RANBP2: variants seen among roughly 807,000 people sequenced by gnomAD.
RANBP2 encodes RAN binding protein 2, also known as E3 SUMO-protein ligase RanBP2.
A neutral mutation model predicts 303.6 loss-of-function variants in RANBP2; 57 were observed. The observed-to-expected ratio is 0.19, with a 90% CI of 0.15 to 0.23. The LOEUF (loss-of-function observed/expected upper bound fraction) is 0.23, where lower values mean the gene tolerates loss of function less well. Among genes scored for constraint, RANBP2 ranks in the 10% least tolerant of loss-of-function variants. The pLI is 1.00. For synonymous variants in RANBP2, 1,167 were observed against 1,301.5 expected, an observed-to-expected ratio of 0.90 and a Z score of 2.23; for missense variants, 3,138 against 3,780.8, an observed-to-expected ratio of 0.83 and a Z score of 4.46.
chr2:109,247,200 C>G, the RANBP2 span, among the ~76,000 whole-genome samples: 1 of 152,148 alleles, frequency 6.6e-6, no homozygotes, highest in South Asian at 2.1e-4. Context: ...TAAGGGAGAA[C>G]AGAATGAAGT....
chr2:109,567,374 T>C, the RANBP2 span, among the ~76,000 whole-genome samples: 3 of 152,212 alleles, frequency 2.0e-5, 1 homozygote, highest in South Asian at 6.2e-4. Context: ...CTAAAAGTTA[T>C]ATGAATGTAA....
the RANBP2 span, among the ~76,000 whole-genome samples, chr2:109,538,245 C>G: frequency 6.6e-6 from 1 of 152,174 alleles, no homozygotes; most frequent in African/African-American, 2.4e-5. Context: ...CTGCTCACAA[C>G]CAGAAAAGGC....
the RANBP2 span, among the ~76,000 whole-genome samples, chr2:109,087,982 C>T: frequency 3.9e-5 from 6 of 152,256 alleles, no homozygotes; most frequent in South Asian, 4.2e-4. Flanking sequence ...TTAGTTTCTT[C>T]GGCCGGGCGC....
the RANBP2 span, among the ~76,000 whole-genome samples, chr2:109,725,721 G>A: frequency 3.2e-3 from 494 of 152,190 alleles, no homozygotes; most frequent in Non-Finnish European, 5.6e-3. Context: ...CAAAACTGAG[G>A]TTGTATCTTT....
chr2:109,258,684 G>C, the RANBP2 span, among the ~76,000 whole-genome samples: 1 of 152,258 alleles, frequency 6.6e-6, no homozygotes, highest in Non-Finnish European at 1.5e-5. Context: ...CTGTGTGGCA[G>C]CCGTGTCTGA....
At chr2:109,063,720 A>G in the RANBP2 span, among the ~76,000 whole-genome samples, 1 of 151,842 alleles carries the variant, frequency 6.6e-6, no homozygotes, top group East Asian at 1.9e-4. Context: ...TTAAATGGAG[A>G]TGTAATTTCT....
the RANBP2 span, among the ~76,000 whole-genome samples, chr2:108,810,332 T>A: frequency 6.6e-6 from 1 of 152,236 alleles, no homozygotes; most frequent in African/African-American, 2.4e-5. Flanking sequence ...TACCTAATTT[T>A]TTGAGAGTTT....
At chr2:108,735,954 T>C in intron 5 of RANBP2, 150 bp from the exon 6 acceptor site, 1 of 1,547,348 alleles carries the variant, frequency 6.5e-7, no homozygotes, top group Non-Finnish European at 8.7e-7. Flanking sequence ...GATAAATGTA[T>C]ATATTTTTGG....
At chr2:109,495,442 C>T in the RANBP2 span, among the ~76,000 whole-genome samples, 2 of 150,488 alleles carry the variant, frequency 1.3e-5, no homozygotes, top group African/African-American at 4.9e-5. Context: ...CTCTGGGCCA[C>T]CTACCGGCCA....
At chr2:109,247,517 G>A in the RANBP2 span, among the ~76,000 whole-genome samples, 22 of 152,294 alleles carry the variant, frequency 1.4e-4, no homozygotes, top group East Asian at 3.9e-3. Flanking sequence ...AGGCAGGCAT[G>A]GGTGGTCACG....
chr2:109,284,109 A>G, the RANBP2 span, among the ~76,000 whole-genome samples: 2 of 152,070 alleles, frequency 1.3e-5, no homozygotes, highest in Non-Finnish European at 2.9e-5. Flanking sequence ...GTAATGAAAG[A>G]CCTTGAACGA....
chr2:109,421,639 CT>C, the RANBP2 span, among the ~76,000 whole-genome samples: 1 of 152,232 alleles, frequency 6.6e-6, no homozygotes, highest in Admixed American at 6.5e-5. Flanking sequence ...AGCTCTCCAC[CT>C]TCTCCCTCTG....
intron 7 of RANBP2, among the ~76,000 whole-genome samples, chr2:108,745,816 A>G (rs1696465834): frequency 6.6e-6 from 1 of 151,934 alleles, no homozygotes; most frequent in South Asian, 2.1e-4. Context: ...GTCGAAAAGT[A>G]ATGTAATTAA....
At chr2:109,094,832 A>G in the RANBP2 span, among the ~76,000 whole-genome samples, 2 of 152,148 alleles carry the variant, frequency 1.3e-5, no homozygotes, top group African/African-American at 4.8e-5. Context: ...CTCCATCTCA[A>G]ACAAACAAAC....
the RANBP2 span, among the ~76,000 whole-genome samples, chr2:109,559,951 C>T: frequency 6.8e-5 from 9 of 132,444 alleles, no homozygotes; most frequent in Non-Finnish European, 1.2e-4. Flanking sequence ...GATGGGGTCT[C>T]GCTCTGTCAC....
the RANBP2 span, among the ~76,000 whole-genome samples, chr2:108,952,444 G>A: frequency 2.0e-5 from 3 of 152,200 alleles, no homozygotes; most frequent in African/African-American, 4.8e-5. Flanking sequence ...GATTAGGAAG[G>A]TTCAATTGAT....
chr2:109,082,759 G>A, the RANBP2 span, among the ~76,000 whole-genome samples: 4 of 152,004 alleles, frequency 2.6e-5, no homozygotes, highest in African/African-American at 9.7e-5. Flanking sequence ...AGGCTGCAGT[G>A]CACTATGATG....
At chr2:109,146,915 A>C in the RANBP2 span, among the ~76,000 whole-genome samples, 1 of 101,112 alleles carries the variant, frequency 9.9e-6, no homozygotes, top group Non-Finnish European at 1.8e-5. Context: ...CCAATATCCT[A>C]TGAAGGCCTC....
At chr2:109,463,805 C>G in the RANBP2 span, among the ~76,000 whole-genome samples, 6 of 152,300 alleles carry the variant, frequency 3.9e-5, no homozygotes, top group South Asian at 1.2e-3. Context: ...TGGAGAGATG[C>G]AAGGGAATTG....
Sources: allele counts gnomAD v4.1 joint callset (sites outside exome capture counted in the v4.1 genomes callset), GRCh38; gene constraint gnomAD v4.1.1; transcripts MANE v1.5; gene names NCBI Gene and HGNC (gene_info 2026-07-23, HGNC 2026-07-21).